BPIFC: variants seen among roughly 807,000 people sequenced by gnomAD.
The protein encoded by BPIFC is BPI fold-containing family C protein.
BPIFC carries 60 observed loss-of-function variants against 57.6 expected under a neutral mutation model. The ratio of observed to expected loss-of-function variants is 1.04; its 90% CI spans 0.85 to 1.29. BPIFC has a LOEUF of 1.29. Ranked by LOEUF, BPIFC falls within the 50% of genes most tolerant of loss-of-function variation. The pLI, the probability that BPIFC is intolerant of heterozygous loss-of-function variation, is 0.00. For synonymous variants in BPIFC, 243 were observed against 224.5 expected, an observed-to-expected ratio of 1.08 and a Z score of -0.74; for missense variants, 581 against 600.5, an observed-to-expected ratio of 0.97 and a Z score of 0.34.
intron 13 of BPIFC, among the ~76,000 whole-genome samples, chr22:32,428,745 A>C (rs1934144092): frequency 6.6e-6 from 1 of 152,030 alleles, no homozygotes; most frequent in South Asian, 2.1e-4. Context: ...TAAAAAATAC[A>C]AAAATTAGCC....
At chr22:32,430,619 TATATA>T (rs1934213038) in intron 13 of BPIFC, among the ~76,000 whole-genome samples, 2 of 149,398 alleles carry the variant, frequency 1.3e-5, no homozygotes, top group South Asian at 2.1e-4. Context: ...GTATATAAAA[TATATA>T]ATATAAAATA....
At position 32,417,121 on chromosome 22, in the gene BPIFC, A is replaced by G. The variant is rs1050295311; in HGVS notation, c.1288T>C (p.Ser430Pro). ...GGGAGGACTCCAAAGTGAAGAATGG[A>G]CGATAGAATATTTTCAAACCTCAAG... The part of the protein sequence containing the change: ...EVLRFENILS[S>P]ILHFGVLPLA... Residue 430 changes from serine to proline, a missense_variant, in exon 15 of 17, where the codon TCC becomes CCC. By Grantham distance (74) the Ser-to-Pro change is moderately conservative. Transcript: ENST00000300399. The G allele has an allele frequency of 1.9e-6, 3 of 1,607,086 alleles. No homozygotes were observed. The highest frequency in any genetic ancestry group is 1.3e-5 in the African/African-American group (1 of 74,796).
At position 32,447,288 on chromosome 22, in the gene BPIFC, C is replaced by T; in HGVS notation, c.298G>A (p.Gly100Arg). The T allele has an allele frequency of 6.2e-7, 1 of 1,614,090 alleles. No homozygotes were observed. The highest frequency in any genetic ancestry group is 2.2e-5 in the East Asian group (1 of 44,884). ...TTGGTTAGCGCTTTGATTCCCACTC[C>T]AGGCACAAAAGCCAATGAGGTATTT... Reference protein sequence around the residue: ...FPNTSLAFVPGVGIKALTNHG... With the variant: ...FPNTSLAFVPRVGIKALTNHG... The change falls in exon 5 of 17, where the codon GGA becomes AGA. Residue 100 changes from glycine to arginine, a missense_variant. By Grantham distance (125) the Gly-to-Arg change is moderately radical. Transcript: ENST00000300399.
intron 13 of BPIFC, among the ~76,000 whole-genome samples, chr22:32,430,812 A>T (rs1162127660): frequency 6.6e-6 from 1 of 151,898 alleles, no homozygotes; most frequent in South Asian, 2.1e-4. Flanking sequence ...GCTAATTTTT[A>T]AAAAAGCTTT....
intron 13 of BPIFC, among the ~76,000 whole-genome samples, chr22:32,420,928 T>A (rs1933830531): frequency 6.6e-6 from 1 of 152,236 alleles, no homozygotes; most frequent in South Asian, 2.1e-4. Context: ...ATAAAATGCT[T>A]AGAACTGTGC....
intron 13 of BPIFC, among the ~76,000 whole-genome samples, chr22:32,426,443 G>A (rs753189969): frequency 1.3e-5 from 2 of 152,140 alleles, no homozygotes; most frequent in Non-Finnish European, 2.9e-5. Flanking sequence ...CTTGCCTCCT[G>A]GTTTGGCTGC....
chr22:32,423,257 G>C (rs1933899447), intron 13 of BPIFC, among the ~76,000 whole-genome samples: 1 of 152,206 alleles, frequency 6.6e-6, no homozygotes, highest in African/African-American at 2.4e-5. Flanking sequence ...TGATGAGTAA[G>C]AGTTATCCAA....
intron 4 of BPIFC, among the ~76,000 whole-genome samples, chr22:32,448,325 G>A (rs899787051): frequency 2.0e-5 from 3 of 151,570 alleles, no homozygotes; most frequent in African/African-American, 7.3e-5. Context: ...TGCCCGCCTC[G>A]GCCTCCCAAA....
chr22:32,438,592 A>C (rs1229363615), intron 8 of BPIFC, among the ~76,000 whole-genome samples: 1 of 152,102 alleles, frequency 6.6e-6, no homozygotes, highest in Non-Finnish European at 1.5e-5. Context: ...GCGTTTCACC[A>C]TGTTGGCCAG....
At chr22:32,423,384 G>A (rs1226494579) in intron 13 of BPIFC, among the ~76,000 whole-genome samples, 1 of 152,176 alleles carries the variant, frequency 6.6e-6, no homozygotes, top group Non-Finnish European at 1.5e-5. Flanking sequence ...GGCTTCAAGA[G>A]TAGTTCAGAG....
chr22:32,419,114 C>T (rs530488284), intron 14 of BPIFC, among the ~76,000 whole-genome samples: 13 of 152,168 alleles, frequency 8.5e-5, no homozygotes, highest in African/African-American at 3.1e-4. Flanking sequence ...TATACAATGT[C>T]TCAACAGTCT....
rs1051940782 is a variant in BPIFC at position 32,420,317 on chromosome 22, C to CAA, written c.1218-915_1218-914dup. Among the ~76,000 whole-genome samples, 559 of 85,374 alleles carry CAA rather than the reference C, an allele frequency of 6.5e-3. 6 individuals carry two copies. The highest frequency in any genetic ancestry group is 0.025 in the African/African-American group (508 of 20,074). 56.0% of individuals were successfully genotyped at this position (85,374 alleles called of 152,430 possible). A position where few individuals can be genotyped will look rare whatever the true frequency, so the allele number is the denominator to read the frequency against. ...TGGGTGACAGAGCAAGACTCCGTCT[C>CAA]AAAAAAAAAAAAAAAAAATAGTTTT... On this transcript the variant is annotated intron_variant, in intron 13 of 16. Coordinates refer to ENST00000300399, the MANE Select transcript of BPIFC (RefSeq NM_174932.3).
At chr22:32,415,070 T>A (rs1309607686) in intron 16 of BPIFC, among the ~76,000 whole-genome samples, 1 of 152,220 alleles carries the variant, frequency 6.6e-6, no homozygotes, top group African/African-American at 2.4e-5. Context: ...GGTTTCGGGA[T>A]GAAACTGTTC....
rs528923007 is a variant in BPIFC at position 32,440,311 on chromosome 22, A to T, written c.655+2360T>A. Among the ~76,000 whole-genome samples, 264 of 151,902 alleles carry T rather than the reference A, an allele frequency of 1.7e-3. 1 individual carries two copies. Among genetic ancestry groups the T allele is most frequent in the Middle Eastern group, 0.014 (4 of 294 alleles). ...CACCATGCCTGGCTAATTAAAAAAA[A>T]ATTTTTTTTATATAGAAACAAGGTC... is the stretch of plus-strand genomic sequence containing the variant. On this transcript the variant is annotated intron_variant, in intron 8 of 16. Transcript: ENST00000300399.
intron 2 of BPIFC, among the ~76,000 whole-genome samples, chr22:32,460,620 T>A (rs1601489530): frequency 6.6e-6 from 1 of 152,216 alleles, no homozygotes; most frequent in Non-Finnish European, 1.5e-5. Flanking sequence ...CCTAATGCTA[T>A]TGCCTATGTT....
chr22:32,446,224 T>C (rs143917341), intron 5 of BPIFC, among the ~76,000 whole-genome samples: 1,754 of 152,332 alleles, frequency 0.012, 22 homozygotes, highest in Middle Eastern at 0.061. Context: ...TGGGATATTC[T>C]AATTATTTCA....
rs1416150626 is a variant in BPIFC, at chr22:32,445,828, G to A, written c.530+13C>T. ...CCTAACTAGCCACTGCCCAACCCAG[G>A]GCTCTCATTCACCTGAGTTCTCCGG... On this transcript the variant is annotated intron_variant, in intron 6 of 16. Coordinates refer to ENST00000300399, the MANE Select transcript of BPIFC (RefSeq NM_174932.3). The A allele has an allele frequency of 1.9e-6, 3 of 1,613,142 alleles. No individual in the cohort carries two copies. In the African/African-American group the frequency reaches 4.0e-5, roughly 22 times the overall value.
intron 13 of BPIFC, among the ~76,000 whole-genome samples, chr22:32,423,034 G>A (rs991518603): frequency 6.6e-6 from 1 of 152,198 alleles, no homozygotes; most frequent in Non-Finnish European, 1.5e-5. Context: ...ATGGGTTGGG[G>A]AGTGTTTGTT....
At chr22:32,442,424 C>G (rs1040324139) in intron 8 of BPIFC, among the ~76,000 whole-genome samples, 8 of 152,070 alleles carry the variant, frequency 5.3e-5, no homozygotes, top group African/African-American at 1.7e-4. Context: ...GGGTTTAGTT[C>G]CTGAACCTAC....
Sources: gnomAD v4.1 joint callset for allele counts (sites outside exome capture counted in the v4.1 genomes callset) on GRCh38, gnomAD v4.1.1 for gene constraint, MANE v1.5 for transcripts, NCBI Gene and HGNC (gene_info 2026-07-23, HGNC 2026-07-21) for gene names.